The following MAP3K1 variants were observed in gnomAD, a reference collection of about 807,000 sequenced individuals.
The protein encoded by MAP3K1 is mitogen-activated protein kinase kinase kinase 1, also known as MAP/ERK kinase kinase 1.
Under a neutral mutation model 144.2 loss-of-function variants are expected in MAP3K1, and 36 were observed. The observed-to-expected ratio is 0.25, with a 90% CI of 0.19 to 0.33. The LOEUF is 0.33. Among genes scored for constraint, MAP3K1 ranks in the 10% least tolerant of loss-of-function variants. The pLI, the probability that MAP3K1 is intolerant of heterozygous loss-of-function variation, is 1.00. For synonymous variants in MAP3K1, 718 were observed against 688.7 expected, an observed-to-expected ratio of 1.04 and a Z score of -0.67; for missense variants, 1,650 against 1,881.9, an observed-to-expected ratio of 0.88 and a Z score of 2.28.
chr5:56,840,091 G>A (rs1462861784), intron 1 of MAP3K1, among the ~76,000 whole-genome samples: 1 of 152,086 alleles, frequency 6.6e-6, no homozygotes, highest in Non-Finnish European at 1.5e-5. Context: ...TTCTCTTATT[G>A]TGTAACTTGC....
intron 19 of MAP3K1, among the ~76,000 whole-genome samples, chr5:56,888,630 C>T (rs767538207): frequency 2.0e-5 from 3 of 152,148 alleles, no homozygotes; most frequent in African/African-American, 7.2e-5. Flanking sequence ...GCAGTGGCAG[C>T]GAGTCACAGC....
intron 3 of MAP3K1, among the ~76,000 whole-genome samples, chr5:56,862,915 G>A (rs1359103066): frequency 2.6e-5 from 4 of 152,046 alleles, no homozygotes; most frequent in Admixed American, 2.0e-4. Context: ...CCATTATTAC[G>A]GTCGGTTTTT....
chr5:56,820,146 T>C (rs1442169344), intron 1 of MAP3K1, among the ~76,000 whole-genome samples: 1 of 152,094 alleles, frequency 6.6e-6, no homozygotes, highest in Non-Finnish European at 1.5e-5. Context: ...ATGATATCTA[T>C]TATATGTATT....
chr5:56,879,349 T>G (rs532179791), intron 11 of MAP3K1, among the ~76,000 whole-genome samples: 1 of 152,364 alleles, frequency 6.6e-6, no homozygotes, highest in South Asian at 2.1e-4. Flanking sequence ...TGATTTACTC[T>G]CTTTAGTAAC....
chr5:56,831,890 TCC>T (rs1361790790), intron 1 of MAP3K1, among the ~76,000 whole-genome samples: 2 of 152,208 alleles, frequency 1.3e-5, no homozygotes, highest in African/African-American at 4.8e-5. Context: ...GTCTAGACAT[TCC>T]TTGTGGGCAT....
At chr5:56,867,368 AAG>A (rs1190049467) in intron 6 of MAP3K1, among the ~76,000 whole-genome samples, 1 of 152,218 alleles carries the variant, frequency 6.6e-6, no homozygotes, top group East Asian at 1.9e-4. Flanking sequence ...GATCAATAAA[AAG>A]AAAATACAGA....
chr5:56,889,692 A>G (rs1446263293), intron 19 of MAP3K1, among the ~76,000 whole-genome samples: 1 of 152,142 alleles, frequency 6.6e-6, no homozygotes, highest in African/African-American at 2.4e-5. Flanking sequence ...CCATGTAATC[A>G]TAGGAAAATT....
intron 12 of MAP3K1, 25 bp downstream of exon 12, chr5:56,880,827 A>G (rs1432762843): frequency 1.9e-6 from 3 of 1,549,356 alleles, no homozygotes; most frequent in Non-Finnish European, 2.7e-6. Context: ...CTTAAAAGGA[A>G]TATAGCATAT....
rs572261947 is a variant in MAP3K1, at chr5:56,843,823, T to A, written c.483-12777T>A. 4.6e-5 allele frequency among the ~76,000 whole-genome samples: 7 copies of A among 152,350 alleles called. No individual in the cohort carries two copies. In the East Asian group the frequency reaches 1.3e-3, roughly 29 times the overall value. ...CAGACATGCTAAATTTTGTGATAGC[T>A]TAAGTAGTATTAAGACATTAAGATT... On this transcript the variant is annotated intron_variant, in intron 1 of 19. Transcript: ENST00000399503.
At chr5:56,872,793 T>C in intron 8 of MAP3K1, 32 bp from the exon 9 acceptor site, 3 of 1,613,546 alleles carry the variant, frequency 1.9e-6, no homozygotes, top group Non-Finnish European at 1.7e-6. Context: ...TCTTAATTTT[T>C]TTAAAGCAAG....
chr5:56,874,207 T>C (rs1054898172), intron 9 of MAP3K1, among the ~76,000 whole-genome samples: 1 of 152,238 alleles, frequency 6.6e-6, no homozygotes, highest in African/African-American at 2.4e-5. Flanking sequence ...TATGTTATGA[T>C]CTGTTTTTCA....
intron 19 of MAP3K1, among the ~76,000 whole-genome samples, chr5:56,892,207 A>G (rs911704671): frequency 6.6e-6 from 1 of 152,050 alleles, no homozygotes; most frequent in Non-Finnish European, 1.5e-5. Context: ...CTTTTATTTC[A>G]TTGAGCACTG....
chr5:56,883,767 G>T, intron 15 of MAP3K1, 88 bp downstream of exon 15: 1 of 1,350,750 alleles, frequency 7.4e-7, no homozygotes, highest in Non-Finnish European at 1.1e-6. Context: ...ATGTCCACGT[G>T]TGTGTACTTT....
Position 56,894,338 on chromosome 5 carries a change from A to G in MAP3K1, c.*658A>G, listed in dbSNP as rs1748640442. ...TGTTTATTTACATTCATTTTTGTTT[A>G]TTCAGGGAAAGCTGATCTTTTTTTC... On this transcript the variant is annotated 3_prime_UTR_variant, in exon 20 of 20. Coordinates refer to ENST00000399503, the MANE Select transcript of MAP3K1 (RefSeq NM_005921.2). 1 of 232,234 alleles carries G rather than the reference A, an allele frequency of 4.3e-6. No homozygotes were observed. Among genetic ancestry groups the G allele is most frequent in the Admixed American group, 5.6e-5 (1 of 17,754 alleles). 14.4% of individuals were successfully genotyped at this position (232,234 alleles called of 1,614,324 possible).
At chr5:56,829,697 C>T (rs993216512) in intron 1 of MAP3K1, among the ~76,000 whole-genome samples, 5 of 152,206 alleles carry the variant, frequency 3.3e-5, no homozygotes, top group African/African-American at 4.8e-5. Context: ...GCTGCTAGCA[C>T]GTGATTTCCA....
At chr5:56,850,263 T>C (rs532378624) in intron 1 of MAP3K1, among the ~76,000 whole-genome samples, 42 of 152,328 alleles carry the variant, frequency 2.8e-4, no homozygotes, top group African/African-American at 9.9e-4. Flanking sequence ...CAGGTGGACC[T>C]TAATTAGTTA....
intron 1 of MAP3K1, among the ~76,000 whole-genome samples, chr5:56,849,126 T>C (rs1747086885): frequency 1.3e-5 from 2 of 152,018 alleles, no homozygotes; most frequent in Admixed American, 1.3e-4. Context: ...GCGGGCAGAG[T>C]GCTTTGAGCT....
At chr5:56,869,116 A>G (rs832579) in intron 6 of MAP3K1, among the ~76,000 whole-genome samples, 78,094 of 151,606 alleles carry the variant, frequency 0.52, 22,042 homozygotes, top group Non-Finnish European at 0.65. Flanking sequence ...GAAAGAAAAG[A>G]AAAATTAGCC....
chr5:56,884,277 T>C (rs1450292116), intron 15 of MAP3K1, among the ~76,000 whole-genome samples: 2 of 152,176 alleles, frequency 1.3e-5, no homozygotes, highest in Non-Finnish European at 2.9e-5. Context: ...CTTTCAACAG[T>C]GTACTTGTGC....
Sources: allele counts gnomAD v4.1 joint callset (sites outside exome capture counted in the v4.1 genomes callset), GRCh38; gene constraint gnomAD v4.1.1; transcripts MANE v1.5; gene names NCBI Gene and HGNC (gene_info 2026-07-23, HGNC 2026-07-21).